The following ARHGEF6 variants were observed in gnomAD, a reference collection of about 807,000 sequenced individuals.
ARHGEF6 encodes Rac/Cdc42 guanine nucleotide exchange factor 6.
Under a neutral mutation model 70.3 loss-of-function variants are expected in ARHGEF6, and 9 were observed. The ratio of observed to expected loss-of-function variants is 0.13; its 90% CI spans 0.08 to 0.22. The LOEUF (loss-of-function observed/expected upper bound fraction) is 0.22, where lower values mean the gene tolerates loss of function less well. ARHGEF6 is among the 10% of genes least tolerant of loss of function. The probability of loss-of-function intolerance (pLI) is 1.00; values close to 1 mark genes in which losing one functional copy is unlikely to be tolerated. For missense variants in ARHGEF6, 470 were observed against 563.0 expected (o/e 0.83, Z 1.67); for synonymous variants, 201 against 207.8 (o/e 0.97, Z 0.28).
At chrX:136,708,830 CTAATATATGG>C in intron 7 of ARHGEF6, 60 bp from the exon 8 acceptor site, 1 of 885,076 alleles carries the variant, frequency 1.1e-6, no homozygotes, top group Non-Finnish European at 1.6e-6. Flanking sequence ...TAATAGTTTG[CTAATATATGG>C]TAAATAAAAG....
intron 9 of ARHGEF6, among the ~76,000 whole-genome samples, chrX:136,701,185 G>A (rs753321038): frequency 4.5e-5 from 5 of 111,283 alleles, no homozygotes; most frequent in Admixed American, 9.6e-5. Context: ...AAAGAGAAAA[G>A]AGAAGAAATA....
rs181585763 is a variant in ARHGEF6 at position 136,745,108 on chromosome X, C to T, written c.459+115G>A. ...GTGCTCGGTTTATAATTAGTTTTCT[C>T]AGTGATGCCCAAAACAACCCGGATG... On this transcript the variant is annotated intron_variant, in intron 4 of 21. Coordinates refer to ENST00000250617, the MANE Select transcript of ARHGEF6 (RefSeq NM_004840.3). The T allele has an allele frequency of 1.6e-4, 160 of 984,618 alleles. No individual in the cohort carries two copies. The African/African-American group carries it at 2.5e-3, about 16-fold the overall frequency. 81.1% of individuals were successfully genotyped at this position (984,618 alleles called of 1,213,427 possible). A position where few individuals can be genotyped will look rare whatever the true frequency, so the allele number is the denominator to read the frequency against.
chrX:136,705,584 A>G (rs1028471862), intron 9 of ARHGEF6, among the ~76,000 whole-genome samples: 1 of 111,747 alleles, frequency 8.9e-6, no homozygotes, highest in South Asian at 3.8e-4. Context: ...TAATAATAAT[A>G]ACTCCCTCAT....
intron 2 of ARHGEF6, among the ~76,000 whole-genome samples, chrX:136,757,283 C>T (rs1432430697): frequency 8.9e-6 from 1 of 112,581 alleles, no homozygotes; most frequent in East Asian, 2.8e-4. Flanking sequence ...TCGCTTGAAA[C>T]CAGGAGGCGG....
rs111704890 is a variant in ARHGEF6 at position 136,772,608 on chromosome X, C to T, written c.249+6806G>A. 3.0e-3 allele frequency among the ~76,000 whole-genome samples: 336 copies of T among 112,635 alleles called. 1 individual carries two copies. Among genetic ancestry groups the T allele is most frequent in the African/African-American group, 0.01 (323 of 31,082 alleles). The stretch of plus-strand genomic sequence containing the variant: ...TTTGTGGGCCAGGCACAGTGGCTTA[C>T]GCCTGTAATCCCAGCCTTTTGGGAG... On this transcript the variant is annotated intron_variant, in intron 2 of 21. Transcript: ENST00000250617.
chrX:136,762,926 G>A (rs1176252817), intron 2 of ARHGEF6, among the ~76,000 whole-genome samples: 5 of 110,780 alleles, frequency 4.5e-5, no homozygotes, highest in South Asian at 3.8e-4. Context: ...AACTTCTCAA[G>A]AAAAAAAAGG....
chrX:136,754,701 A>G (rs2077187963), intron 2 of ARHGEF6, among the ~76,000 whole-genome samples: 1 of 111,992 alleles, frequency 8.9e-6, no homozygotes, highest in African/African-American at 3.2e-5. Flanking sequence ...AAAATGAAAT[A>G]TCTCTTGTCA....
At position 136,666,463 on chromosome X, in the gene ARHGEF6, C is replaced by T. The variant is rs1356392596; in HGVS notation, c.*1566G>A. 1 of 112,359 alleles carries T rather than the reference C, an allele frequency of 8.9e-6. No homozygotes were observed. Among genetic ancestry groups the T allele is most frequent in the Non-Finnish European group, 1.9e-5 (1 of 53,269 alleles). 9.3% of individuals were successfully genotyped at this position (112,359 alleles called of 1,213,427 possible). A position where few individuals can be genotyped will look rare whatever the true frequency, so the allele number is the denominator to read the frequency against. ...CTTGACCTCCTGGGCTCAAATGATC[C>T]TCCCACCTCAGCCTCCTGAGTAGCT... On this transcript the variant is annotated 3_prime_UTR_variant, in exon 22 of 22. Transcript: ENST00000250617.
At chrX:136,770,587 T>C (rs2077356338) in intron 2 of ARHGEF6, among the ~76,000 whole-genome samples, 1 of 112,466 alleles carries the variant, frequency 8.9e-6, no homozygotes, top group South Asian at 3.6e-4. Context: ...GAAGTAAAAC[T>C]ATCTCTATTC....
rs911508430 is a variant in ARHGEF6 at position 136,760,385 on chromosome X, G to C, written c.250-12793C>G. Reference sequence around the variant, plus strand: ...CAATGATAACAATAAGACCAAGTTAGAATGGGGCTGGAGTAGGGAATAGCT... The same window carrying C: ...CAATGATAACAATAAGACCAAGTTACAATGGGGCTGGAGTAGGGAATAGCT... On this transcript the variant is annotated intron_variant, in intron 2 of 21. Coordinates refer to ENST00000250617, the MANE Select transcript of ARHGEF6 (RefSeq NM_004840.3). 4.4e-5 allele frequency among the ~76,000 whole-genome samples: 5 copies of C among 112,374 alleles called. No homozygotes were observed. In the Admixed American group the frequency reaches 4.7e-4, roughly 11 times the overall value.
intron 2 of ARHGEF6, among the ~76,000 whole-genome samples, chrX:136,756,154 T>C (rs949104748): frequency 1.8e-5 from 2 of 111,739 alleles, no homozygotes; most frequent in Non-Finnish European, 1.9e-5. Flanking sequence ...GAAAGAGATA[T>C]CACTTAGGAA....
At chrX:136,682,011 G>T in intron 13 of ARHGEF6, 43 bp from the exon 14 acceptor site, 1 of 1,068,174 alleles carries the variant, frequency 9.4e-7, no homozygotes, top group Non-Finnish European at 1.3e-6. Context: ...CAGTTATACA[G>T]GTCTCTGTTT....
chrX:136,732,145 T>C lies in ARHGEF6; in HGVS notation c.689A>G (p.Lys230Arg). 5.8e-6 allele frequency: 7 copies of C among 1,207,593 alleles called. No homozygotes were observed. The highest frequency in any genetic ancestry group is 6.7e-6 in the Non-Finnish European group (6 of 892,260). ...GGTAAGTGGAGCAGTTTCAAATCCTTTGACGGCTTTTGGGGAGAGAGGTCT... is the reference window on the plus strand; with the variant it reads ...GGTAAGTGGAGCAGTTTCAAATCCTCTGACGGCTTTTGGGGAGAGAGGTCT... ...SERPLSPKAV[K>R]GFETAPLTKN... The change falls in exon 6 of 22, where the codon AAA (lysine) becomes AGA (arginine). Residue 230 changes from lysine to arginine, a missense_variant. Physicochemically the swap from Lys to Arg is conservative, Grantham distance 26. Coordinates refer to ENST00000250617, the MANE Select transcript of ARHGEF6 (RefSeq NM_004840.3).
intron 2 of ARHGEF6, among the ~76,000 whole-genome samples, chrX:136,753,149 C>A (rs557834728): frequency 8.9e-6 from 1 of 112,476 alleles, no homozygotes; most frequent in East Asian, 2.8e-4. Flanking sequence ...TAGTGGATGG[C>A]ATTTCTACTC....
At chrX:136,680,189 G>A (rs1458584059) in intron 15 of ARHGEF6, among the ~76,000 whole-genome samples, 3 of 112,569 alleles carry the variant, frequency 2.7e-5, no homozygotes, top group Non-Finnish European at 5.6e-5. Context: ...AAACAACACA[G>A]CATATCTTCC....
chrX:136,680,473 A>G (rs1405464988), intron 15 of ARHGEF6, among the ~76,000 whole-genome samples: 1 of 112,563 alleles, frequency 8.9e-6, no homozygotes, highest in Non-Finnish European at 1.9e-5. Flanking sequence ...TTCTGGTTAG[A>G]AATACTTTGC....
At chrX:136,748,640 T>C (rs1347159847) in intron 2 of ARHGEF6, among the ~76,000 whole-genome samples, 1 of 112,017 alleles carries the variant, frequency 8.9e-6, no homozygotes, top group African/African-American at 3.2e-5. Context: ...TGTTCCAGGA[T>C]GTCTAGAAGT....
Position 136,729,627 on chromosome X carries a change from C to T in ARHGEF6, c.732+2475G>A, listed in dbSNP as rs866636093. ...CGGGCAGATAACGAACTCAGGAGTT[C>T]GAGACCAGCCTGGCCAATATAGTGA... On this transcript the variant is annotated intron_variant, in intron 6 of 21. Coordinates refer to ENST00000250617, the MANE Select transcript of ARHGEF6 (RefSeq NM_004840.3). Among the ~76,000 whole-genome samples, 74 of 108,565 alleles carry T rather than the reference C, an allele frequency of 6.8e-4. 1 individual carries two copies. In the Middle Eastern group the frequency reaches 0.019, roughly 27 times the overall value. 94.3% of individuals were successfully genotyped at this position (108,565 alleles called of 115,157 possible).
In ARHGEF6 at chrX:136,675,602, G is replaced by A. The variant is rs922208980; in HGVS notation, c.1946-506C>T. ...GCGATCTCGGCTCACTGCAAGCTCC[G>A]CCTCCCGGGTTCACGCCATTCTCCT... On this transcript the variant is annotated intron_variant, in intron 18 of 21. Coordinates refer to ENST00000250617, the MANE Select transcript of ARHGEF6 (RefSeq NM_004840.3). Among the ~76,000 whole-genome samples, 3 of 109,812 alleles carry A rather than the reference G, an allele frequency of 2.7e-5. No homozygotes were observed. In the Admixed American group the frequency reaches 2.9e-4, roughly 11 times the overall value.
Sources: allele counts gnomAD v4.1 joint callset (sites outside exome capture counted in the v4.1 genomes callset), GRCh38; gene constraint gnomAD v4.1.1; transcripts MANE v1.5; gene names NCBI Gene and HGNC (gene_info 2026-07-23, HGNC 2026-07-21).